SPARCL1: variants seen among roughly 807,000 people sequenced by gnomAD.
The protein encoded by SPARCL1 is SPARC-like protein 1.
Under a neutral mutation model 67.1 loss-of-function variants are expected in SPARCL1, and 52 were observed. The ratio of observed to expected loss-of-function variants is 0.78; its 90% CI spans 0.62 to 0.98. The LOEUF (loss-of-function observed/expected upper bound fraction) is 0.98, where lower values mean the gene tolerates loss of function less well. Ranked by LOEUF, SPARCL1 falls within the 50% of genes least tolerant of loss-of-function variation. SPARCL1 has a pLI of 0.00. For missense variants in SPARCL1, 717 were observed against 782.4 expected, an observed-to-expected ratio of 0.92 and a Z score of 1.00; for synonymous variants, 226 against 267.8, an observed-to-expected ratio of 0.84 and a Z score of 1.52.
chr4:87,512,857 A>C (rs907166211), intron 1 of SPARCL1, among the ~76,000 whole-genome samples: 1 of 152,224 alleles, frequency 6.6e-6, no homozygotes, highest in Non-Finnish European at 1.5e-5. Flanking sequence ...TAAAGGCATA[A>C]GTTCTGAAAC....
At chr4:87,515,495 C>T (rs1725543677) in intron 1 of SPARCL1, among the ~76,000 whole-genome samples, 1 of 152,050 alleles carries the variant, frequency 6.6e-6, no homozygotes, top group South Asian at 2.1e-4. Context: ...TTACTAGAGT[C>T]CTTAGGTTAT....
chr4:87,491,723 A>G lies in SPARCL1; in HGVS notation c.1219-33T>C, dbSNP rs752285912. On this transcript the variant is annotated intron_variant, in intron 4 of 10. Transcript: ENST00000282470. The stretch of plus-strand genomic sequence containing the variant: ...ATAACAAGAGCAAAAGTTAAAATCT[A>G]CTAAGAGGAGAGCCATTACTTAATT... The G allele has an allele frequency of 4.2e-6, 6 of 1,437,182 alleles. No homozygotes were observed. The African/African-American group carries it at 5.7e-5, about 14-fold the overall frequency. 89.0% of individuals were successfully genotyped at this position (1,437,182 alleles called of 1,614,324 possible).
rs760002978 is a variant in SPARCL1, at chr4:87,480,435, T to C, written c.1754A>G (p.Tyr585Cys). ...DLLLRDFKKN[Y>C]HMYVYPVHWQ... ...GTGCACAGGATACACATACATGTGG[T>C]AGTTTTTCTTAAAGTCCCTTAAGAG... The change falls in exon 9 of 11, where the codon TAC becomes TGC. Residue 585 changes from tyrosine (Y) to cysteine (C), a missense_variant. By Grantham distance (194) the Tyr-to-Cys change is radical. Coordinates refer to ENST00000282470, the MANE Select transcript of SPARCL1 (RefSeq NM_004684.6). 1 of 1,613,478 alleles carries C rather than the reference T, an allele frequency of 6.2e-7. No homozygotes were observed. The highest frequency in any genetic ancestry group is 1.1e-5 in the South Asian group (1 of 90,940).
At chr4:87,514,506 T>C (rs1288427885) in intron 1 of SPARCL1, among the ~76,000 whole-genome samples, 3 of 152,346 alleles carry the variant, frequency 2.0e-5, no homozygotes, top group African/African-American at 4.8e-5. Context: ...TATGGTCATG[T>C]CATTTAGAAT....
In SPARCL1 at chr4:87,494,367, CA is replaced by C; in HGVS notation, c.432del (p.Val145LeufsTer31). The C allele has an allele frequency of 1.2e-6, 2 of 1,614,190 alleles. No homozygotes were observed. Among genetic ancestry groups the C allele is most frequent in the Non-Finnish European group, 1.7e-6 (2 of 1,180,024 alleles). ...LSENTDFLAPGVSSFTDSNQQ... is the reference protein window; with the variant it reads ...LSENTDFLAPXVSSFTDSNQQ... ...TGGTTAGAATCTGTGAAGGAACTAA[CA>C]CCAGGAGCCAAAAAATCAGTGTTCT... is the stretch of plus-strand genomic sequence containing the variant. On this transcript the variant is annotated frameshift_variant, in exon 4 of 11. Coordinates refer to ENST00000282470, the MANE Select transcript of SPARCL1 (RefSeq NM_004684.6). LOFTEE classifies it high-confidence loss of function.
rs1043373723 is a variant in SPARCL1, at chr4:87,479,515, T to G, written c.1881A>C (p.Ile627=). ...RASLVPMEHC[I]TRFFEECDPN... is the part of the protein sequence containing the mutation. ...GGTCACACTCCTCAAAGAAACGGGTTATGCAGTGTTCCATGGGCACCAGAG... is the reference window on the plus strand; with the variant it reads ...GGTCACACTCCTCAAAGAAACGGGTGATGCAGTGTTCCATGGGCACCAGAG... The change falls in exon 10 of 11, where the codon ATA becomes ATC. Residue 627 remains isoleucine, a synonymous_variant. Coordinates refer to ENST00000282470, the MANE Select transcript of SPARCL1 (RefSeq NM_004684.6). The G allele has an allele frequency of 1.1e-5, 18 of 1,613,990 alleles. No individual in the cohort carries two copies. The highest frequency in any genetic ancestry group is 1.4e-5 in the Non-Finnish European group (16 of 1,180,018).
intron 1 of SPARCL1, among the ~76,000 whole-genome samples, chr4:87,508,553 C>A (rs1435730722): frequency 6.6e-6 from 1 of 151,854 alleles, no homozygotes; most frequent in African/African-American, 2.4e-5. Flanking sequence ...GGGCAGAACC[C>A]CTTCTGAAAT....
In SPARCL1 at chr4:87,493,654, T is replaced by C. The variant is rs140111505; in HGVS notation, c.1146A>G (p.Lys382=). ...GTACTTTTTCTCTTTGCTCCTCAAT[T>C]TTGAGGTGATAGGCAATGGATTGAG... ...ERAQSIAYHL[K]IEEQREKVHE... The change falls in exon 4 of 11, where the codon AAA becomes AAG. Residue 382 remains lysine, a synonymous_variant. Coordinates refer to ENST00000282470, the MANE Select transcript of SPARCL1 (RefSeq NM_004684.6). 3.3e-5 allele frequency: 53 copies of C among 1,614,132 alleles called. No homozygotes were observed. In the African/African-American group the frequency reaches 6.3e-4, roughly 19 times the overall value.
intron 9 of SPARCL1, 108 bp downstream of exon 9, chr4:87,480,264 A>T: frequency 1.0e-6 from 1 of 978,392 alleles, no homozygotes; most frequent in Non-Finnish European, 1.4e-6. Flanking sequence ...GTATTCTAAA[A>T]TGGAACTGGG....
chr4:87,512,163 T>C (rs919453148), intron 1 of SPARCL1, among the ~76,000 whole-genome samples: 1 of 151,998 alleles, frequency 6.6e-6, no homozygotes, highest in Non-Finnish European at 1.5e-5. Flanking sequence ...GATGGGGGTT[T>C]CACCATGTTG....
intron 7 of SPARCL1, among the ~76,000 whole-genome samples, chr4:87,487,673 T>C (rs1724131728): frequency 6.6e-6 from 1 of 152,232 alleles, no homozygotes; most frequent in Non-Finnish European, 1.5e-5. Context: ...TCCTGGATAA[T>C]ATCCTGAAGA....
In SPARCL1 at chr4:87,494,524, G is replaced by A. The variant is rs1724534278; in HGVS notation, c.276C>T (p.Ser92=). The change falls in exon 4 of 11, where the codon AGC becomes AGT. Residue 92 remains serine (S), a synonymous_variant. Transcript: ENST00000282470. The part of the protein sequence containing the change: ...EQSAEQGKSS[S]QELGLKDQED... ...CTTGATCCTTCAATCCCAGCTCTTG[G>A]CTAGAACTCTTGCCCTGTTCTGCTG... The A allele has an allele frequency of 1.2e-6, 2 of 1,614,002 alleles. No individual in the cohort carries two copies. Among genetic ancestry groups the A allele is most frequent in the Non-Finnish European group, 1.7e-6 (2 of 1,180,000 alleles).
At chr4:87,506,857 T>G (rs7673994) in intron 1 of SPARCL1, among the ~76,000 whole-genome samples, 67,961 of 151,562 alleles carry the variant, frequency 0.45, 15,898 homozygotes, top group East Asian at 0.75. Context: ...ATCTCCTATT[T>G]GTTCTGTTTC....
intron 1 of SPARCL1, among the ~76,000 whole-genome samples, chr4:87,504,534 A>C (rs1443046993): frequency 1.3e-5 from 2 of 152,210 alleles, no homozygotes; most frequent in Non-Finnish European, 2.9e-5. Flanking sequence ...GCAGATGAAG[A>C]ACAGGCCTAG....
chr4:87,512,753 G>A (rs1725421666), intron 1 of SPARCL1, among the ~76,000 whole-genome samples: 1 of 152,210 alleles, frequency 6.6e-6, no homozygotes, highest in South Asian at 2.1e-4. Context: ...GCCATTTAAT[G>A]TGAGAGCATA....
intron 2 of SPARCL1, among the ~76,000 whole-genome samples, chr4:87,496,199 T>C (rs968773442): frequency 4.6e-5 from 7 of 152,062 alleles, no homozygotes. Flanking sequence ...TTTTTATTAA[T>C]TAAAAAACAT....
intron 1 of SPARCL1, among the ~76,000 whole-genome samples, chr4:87,513,760 T>C (rs1725469770): frequency 6.6e-6 from 1 of 152,188 alleles, no homozygotes. Flanking sequence ...CCTAGGGGAT[T>C]TCAAGCTTCC....
chr4:87,493,121 C>T (rs1051133094), intron 4 of SPARCL1, among the ~76,000 whole-genome samples: 3 of 152,166 alleles, frequency 2.0e-5, no homozygotes, highest in Admixed American at 6.5e-5. Context: ...TCTGCATTTC[C>T]GTGCCTGAAA....
chr4:87,492,042 C>T (rs1003844317), intron 4 of SPARCL1, among the ~76,000 whole-genome samples: 1 of 150,012 alleles, frequency 6.7e-6, no homozygotes, highest in Admixed American at 6.7e-5. Context: ...TGCTAGAGCC[C>T]AGGAGGTTGA....
Sources: gnomAD v4.1 joint callset for allele counts (sites outside exome capture counted in the v4.1 genomes callset) on GRCh38, gnomAD v4.1.1 for gene constraint, MANE v1.5 for transcripts, NCBI Gene and HGNC (gene_info 2026-07-23, HGNC 2026-07-21) for gene names.